Variants in CDK5RAP3 observed in about 807,000 individuals in gnomAD.
CDK5RAP3 encodes the protein CDK5 regulatory subunit-associated protein 3.
CDK5RAP3 carries 58 observed loss-of-function variants against 73.3 expected under a neutral mutation model. The ratio of observed to expected loss-of-function variants is 0.79; its 90% confidence interval spans 0.64 to 0.98. The LOEUF is 0.98. CDK5RAP3 is among the 50% of genes least tolerant of loss of function. CDK5RAP3 has a pLI of 0.00. For synonymous variants in CDK5RAP3, 224 were observed against 247.5 expected, an observed-to-expected ratio of 0.91 and a Z score of 0.89; for missense variants, 525 against 615.8, an observed-to-expected ratio of 0.85 and a Z score of 1.56.
chr17:47,980,559 G>T (rs775355814), intron 11 of CDK5RAP3, 34 bp from the exon 12 acceptor site: 2 of 1,600,962 alleles, frequency 1.2e-6, no homozygotes, highest in East Asian at 2.2e-5. Flanking sequence ...GAGCCATCAT[G>T]TACAGCCTGA....
At chr17:47,974,132 A>G (rs1332506849) in intron 4 of CDK5RAP3, 101 bp downstream of exon 4, 6 of 829,754 alleles carry the variant, frequency 7.2e-6, no homozygotes, top group South Asian at 2.9e-5. Flanking sequence ...GGATGCCTAC[A>G]TAGAATATTT....
upstream of CDK5RAP3, chr17:47,971,076 A>C: frequency 1.3e-6 from 2 of 1,551,028 alleles, no homozygotes; most frequent in Non-Finnish European, 1.7e-6. Context: ...AGGCTCGGCC[A>C]CAACGCCACT....
At chr17:47,979,706 G>A (rs1369192118) in intron 11 of CDK5RAP3, 1 of 152,462 alleles carries the variant, frequency 6.6e-6, no homozygotes, top group Non-Finnish European at 1.5e-5. Flanking sequence ...AGGCTGGGAG[G>A]ACGGGGTCCT....
At chr17:47,974,571 C>A in intron 5 of CDK5RAP3, 123 bp downstream of exon 5, 1 of 1,530,842 alleles carries the variant, frequency 6.5e-7, no homozygotes, top group Non-Finnish European at 8.8e-7. Flanking sequence ...TAGATGTTGC[C>A]CATTTGTAGG....
upstream of CDK5RAP3, among the ~76,000 whole-genome samples, chr17:47,969,580 A>AAAAAAAAAAAAAAG (rs1567720961): frequency 2.4e-4 from 31 of 131,376 alleles, 1 homozygote; most frequent in African/African-American, 8.2e-4. Context: ...AAAAAAAAAA[A>AAAAAAAAAAAAAAG]AAAAGAAAAG....
Position 47,976,660 on chromosome 17 carries a change from G to A in CDK5RAP3, c.799-52G>A, listed in dbSNP as rs151315565. 3.1e-3 allele frequency: 3,884 copies of A among 1,264,112 alleles called. 69 individuals carry two copies. Among genetic ancestry groups the A allele is most frequent in the South Asian group, 0.029 (2,472 of 84,262 alleles). The allele number at this position is 1,264,112 out of a possible 1,614,324, so 78.3% of individuals were successfully genotyped here. A position where few individuals can be genotyped will look rare whatever the true frequency, so the allele number is the denominator to read the frequency against. On this transcript the variant is annotated intron_variant, in intron 8 of 13. Transcript: ENST00000338399. ...GTTACAGACATGAGCCACCATGCCC[G>A]GCCCTTTTTAAATCCATCTTCCATG...
At position 47,975,636 on chromosome 17, in the gene CDK5RAP3, G is replaced by A. The variant is rs766139944; in HGVS notation, c.636G>A (p.Val212=). ...CCATTGACGTGTACCAGGCGTCTGT[G>A]GGGTTTGTGTGTGAGAGGTAGAGAG... ...GEAIDVYQAS[V]GFVCESPTEQ... Residue 212 remains valine (V), a synonymous_variant, in exon 7 of 14, where the codon GTG becomes GTA. Coordinates refer to ENST00000338399, the MANE Select transcript of CDK5RAP3 (RefSeq NM_176096.3). 42 of 1,602,860 alleles carry A rather than the reference G, an allele frequency of 2.6e-5. No individual in the cohort carries two copies. Among genetic ancestry groups the A allele is most frequent in the Admixed American group, 3.3e-5 (2 of 59,860 alleles).
intron 2 of CDK5RAP3, among the ~76,000 whole-genome samples, chr17:47,972,205 C>T (rs2036287433): frequency 6.6e-6 from 1 of 152,260 alleles, no homozygotes; most frequent in East Asian, 1.9e-4. Flanking sequence ...CAGGCCATCT[C>T]CAGGTTGTCT....
At chr17:47,975,486 T>G in intron 6 of CDK5RAP3, 28 bp from the exon 7 acceptor site, 1 of 1,610,006 alleles carries the variant, frequency 6.2e-7, no homozygotes, top group South Asian at 1.1e-5. Flanking sequence ...TTCAATCTGT[T>G]GGACTCCACC....
chr17:47,978,069 G>GTTTTT (rs71366815), intron 10 of CDK5RAP3, 159 bp downstream of exon 10: 176 of 297,610 alleles, frequency 5.9e-4, no homozygotes, highest in Middle Eastern at 9.8e-4. Context: ...ACCAAGAGAG[G>GTTTTT]TTTTTTTTTT....
chr17:47,981,063 T>C, intron 12 of CDK5RAP3, 100 bp from the exon 13 acceptor site: 2 of 1,306,284 alleles, frequency 1.5e-6, no homozygotes, highest in Non-Finnish European at 2.1e-6. Context: ...AAGCGGCCAG[T>C]TGGGGGTTTG....
At chr17:47,974,619 C>T (rs1598220498) in intron 5 of CDK5RAP3, 171 bp downstream of exon 5, 1 of 1,436,370 alleles carries the variant, frequency 7.0e-7, no homozygotes, top group African/African-American at 1.4e-5. Flanking sequence ...TTGATTTTCC[C>T]TGAGTGGAGT....
At chr17:47,969,982 A>G (rs2036230382), upstream of CDK5RAP3, among the ~76,000 whole-genome samples, 2 of 152,074 alleles carry the variant, frequency 1.3e-5, no homozygotes, top group South Asian at 2.1e-4. Flanking sequence ...GCCAAGTCCT[A>G]TACATTTTCC....
upstream of CDK5RAP3, chr17:47,970,673 A>G (rs866291478): frequency 6.5e-7 from 1 of 1,535,608 alleles, no homozygotes; most frequent in African/African-American, 1.4e-5. Flanking sequence ...AAGTGCCACA[A>G]GAGACCTGCA....
At chr17:47,976,114 G>A in intron 8 of CDK5RAP3, 101 bp downstream of exon 8, 3 of 1,430,702 alleles carry the variant, frequency 2.1e-6, no homozygotes, top group South Asian at 2.7e-5. Context: ...GAAGAAGGGA[G>A]GATTTCTGTG....
In CDK5RAP3 at chr17:47,978,794, T is replaced by C. The variant is rs759364747; in HGVS notation, c.989-35T>C. On this transcript the variant is annotated intron_variant, in intron 10 of 13. Coordinates refer to ENST00000338399, the MANE Select transcript of CDK5RAP3 (RefSeq NM_176096.3). ...AGGGTCTTTTCCTTCTCCAGTCCTC[T>C]GATCCTTTATCACTTCTCTGTCTCT... The C allele has an allele frequency of 3.2e-6, 5 of 1,542,766 alleles. No homozygotes were observed. In the East Asian group the frequency reaches 1.1e-4, roughly 35 times the overall value.
intron 10 of CDK5RAP3, among the ~76,000 whole-genome samples, chr17:47,978,253 T>C (rs551596303): frequency 6.6e-6 from 1 of 151,984 alleles, no homozygotes; most frequent in Non-Finnish European, 1.5e-5. Flanking sequence ...ATTTTTTTAG[T>C]AGAGTTGGGG....
intron 8 of CDK5RAP3, among the ~76,000 whole-genome samples, chr17:47,976,243 A>G (rs1027747100): frequency 6.6e-6 from 1 of 152,184 alleles, no homozygotes; most frequent in Non-Finnish European, 1.5e-5. Context: ...AACCTCCATC[A>G]TGTGAGCTCT....
In CDK5RAP3 at chr17:47,973,853, A is replaced by C. The variant is rs1296043422; in HGVS notation, c.185-78A>C. ...TAAAGTTACTGGCAGTATATTATAC[A>C]TGAATCAGCCACCTGCAGTGCCCAG... On this transcript the variant is annotated intron_variant, in intron 3 of 13. Transcript: ENST00000338399. 7 of 1,261,844 alleles carry C rather than the reference A, an allele frequency of 5.5e-6. No individual in the cohort carries two copies. In the Admixed American group the frequency reaches 1.0e-4, roughly 19 times the overall value. 78.2% of individuals were successfully genotyped at this position (1,261,844 alleles called of 1,614,324 possible). A position where few individuals can be genotyped will look rare whatever the true frequency, so the allele number is the denominator to read the frequency against.
Sources: gnomAD v4.1 joint callset for allele counts (sites outside exome capture counted in the v4.1 genomes callset) on GRCh38, gnomAD v4.1.1 for gene constraint, MANE v1.5 for transcripts, NCBI Gene and HGNC (gene_info 2026-07-23, HGNC 2026-07-21) for gene names.